The following STK10 variants were observed in gnomAD, a reference collection of about 807,000 sequenced individuals.
STK10 encodes serine/threonine-protein kinase 10.
STK10 carries 78 observed loss-of-function variants against 113.8 expected under a neutral mutation model. That is an observed-to-expected ratio of 0.69 (90% CI 0.57 to 0.83). STK10 has a LOEUF of 0.83. Among genes scored for constraint, STK10 ranks in the 40% least tolerant of loss-of-function variants. The pLI, the probability that STK10 is intolerant of heterozygous loss-of-function variation, is 0.00. For missense variants in STK10, 1,109 were observed against 1,280.1 expected (o/e 0.87, Z 2.04); for synonymous variants, 465 against 494.7 (o/e 0.94, Z 0.80).
chr5:172,050,318 G>A (rs1767598385), intron 18 of STK10, among the ~76,000 whole-genome samples: 1 of 152,174 alleles, frequency 6.6e-6, no homozygotes, highest in African/African-American at 2.4e-5. Context: ...CTGTTCTTGT[G>A]CCTGGTATTG....
In STK10 at chr5:172,188,071, G is replaced by GCTCGGC; in HGVS notation, c.-30_-29insGCCGAG. On this transcript the variant is annotated 5_prime_UTR_variant, in exon 1 of 19. Coordinates refer to ENST00000176763, the MANE Select transcript of STK10 (RefSeq NM_005990.4). This position sits in a 1 kb window ranked among gnomAD's most constrained non-coding sequence, Gnocchi z 5.6. ...CGGGGGCGCGGTGGCGCCGGCTCGGGCTCGGGCTCGGGCTCGGGCTGTGGC... is the reference window on the plus strand; with the variant it reads ...CGGGGGCGCGGTGGCGCCGGCTCGGGCTCGGCCTCGGGCTCGGGCTCGGGCTGTGGC... 6.3e-7 allele frequency: 1 copy of GCTCGGC among 1,595,892 alleles called. No individual in the cohort carries two copies. The highest frequency in any genetic ancestry group is 8.5e-7 in the Non-Finnish European group (1 of 1,171,450).
chr5:172,093,616 G>A lies in STK10; in HGVS notation c.1350C>T (p.Ser450=), dbSNP rs773972454. 5 of 1,614,116 alleles carry A rather than the reference G, an allele frequency of 3.1e-6. No homozygotes were observed. The highest frequency in any genetic ancestry group is 4.2e-6 in the Non-Finnish European group (5 of 1,180,034). Residue 450 remains serine, a synonymous_variant, in exon 9 of 19, where the codon AGC becomes AGT. Transcript: ENST00000176763. This position sits in a 1 kb window ranked among gnomAD's most constrained non-coding sequence, Gnocchi z 4.1. ...TCTCCAGGGCGCTGCTGTTGGGCCG[G>A]CTCTGGCTGGCCTTTTGAGATCTGT... ...AANRSQKASQ[S]RPNSSALETL... is the part of the protein sequence containing the mutation.
At chr5:172,058,971 C>T (rs1014635033) in intron 14 of STK10, among the ~76,000 whole-genome samples, 4 of 152,072 alleles carry the variant, frequency 2.6e-5, no homozygotes, top group Admixed American at 1.3e-4. Flanking sequence ...TGCCTGTAAT[C>T]CTAGCACTTT....
intron 4 of STK10, among the ~76,000 whole-genome samples, chr5:172,114,312 G>GTA (rs1769316411): frequency 7.3e-6 from 1 of 137,468 alleles, no homozygotes; most frequent in Non-Finnish European, 1.5e-5. Context: ...GTGTGTGTGT[G>GTA]TGTATGTGTG....
chr5:172,106,401 C>CAGA (rs1475870342), intron 6 of STK10, among the ~76,000 whole-genome samples: 15 of 53,456 alleles, frequency 2.8e-4, no homozygotes, highest in African/African-American at 7.7e-4. Context: ...GACCCTATCT[C>CAGA]AAAAAAAAAA....
intron 10 of STK10, among the ~76,000 whole-genome samples, chr5:172,089,319 G>A (rs575401653): frequency 6.6e-6 from 1 of 152,290 alleles, no homozygotes; most frequent in East Asian, 1.9e-4. Flanking sequence ...CCCATTAGGT[G>A]TAAGTTCTAC....
intron 12 of STK10, among the ~76,000 whole-genome samples, chr5:172,065,158 T>C (rs1288829145): frequency 6.6e-6 from 1 of 152,228 alleles, no homozygotes; most frequent in Non-Finnish European, 1.5e-5. Flanking sequence ...GAAGTTCTTT[T>C]AGACATTTTT....
intron 10 of STK10, among the ~76,000 whole-genome samples, chr5:172,083,774 G>A (rs1768484999): frequency 6.6e-6 from 1 of 151,982 alleles, no homozygotes; most frequent in Non-Finnish European, 1.5e-5. Flanking sequence ...TGGACATGGT[G>A]GCACACGCCT....
At chr5:172,077,312 T>A (rs186547084) in intron 12 of STK10, among the ~76,000 whole-genome samples, 25 of 152,334 alleles carry the variant, frequency 1.6e-4, no homozygotes, top group Non-Finnish European at 2.9e-4. Context: ...AACTATTTAA[T>A]AGCTAAATTC....
chr5:172,147,808 G>A (rs767019927), intron 2 of STK10, among the ~76,000 whole-genome samples: 2 of 152,192 alleles, frequency 1.3e-5, no homozygotes, highest in African/African-American at 4.8e-5. Context: ...AGGAGGACAG[G>A]AGAAGGTCAA....
Position 172,093,334 on chromosome 5 carries a change from C to A in STK10, c.1554+78G>T. 1 of 1,481,278 alleles carries A rather than the reference C, an allele frequency of 6.8e-7. No homozygotes were observed. The allele number at this position is 1,481,278 out of a possible 1,614,324, so 91.8% of individuals were successfully genotyped here. ...TAAAATGCAAGGAAGCCCCTAAATG[C>A]TTTTGAAACCAAAATGGAGCCACAG... On this transcript the variant is annotated intron_variant, in intron 9 of 18. Transcript: ENST00000176763. This position sits in a 1 kb window ranked among gnomAD's most constrained non-coding sequence, Gnocchi z 4.1.
intron 10 of STK10, among the ~76,000 whole-genome samples, chr5:172,085,688 C>CAAAA (rs74437272): frequency 9.2e-6 from 1 of 108,166 alleles, no homozygotes. Context: ...GACTCCATTT[C>CAAAA]AAAAAAAAAA....
At chr5:172,089,512 G>A (rs1426568503) in intron 10 of STK10, among the ~76,000 whole-genome samples, 1 of 152,070 alleles carries the variant, frequency 6.6e-6, no homozygotes, top group Non-Finnish European at 1.5e-5. Flanking sequence ...ATGACTGGAT[G>A]GATGATTGGG....
chr5:172,087,592 C>A (rs1768596973), intron 10 of STK10, among the ~76,000 whole-genome samples: 1 of 148,434 alleles, frequency 6.7e-6, no homozygotes, highest in African/African-American at 2.5e-5. Context: ...TCATTTTTTA[C>A]AATTTATTTT....
At chr5:172,066,578 G>T (rs72841763) in intron 12 of STK10, among the ~76,000 whole-genome samples, 53,174 of 151,994 alleles carry the variant, frequency 0.35, 9,461 homozygotes, top group Admixed American at 0.39. Flanking sequence ...CTTGAGGTCA[G>T]GAGTTCAAGA....
At chr5:172,173,672 G>A (rs1770702169) in intron 1 of STK10, among the ~76,000 whole-genome samples, 1 of 152,254 alleles carries the variant, frequency 6.6e-6, no homozygotes, top group Non-Finnish European at 1.5e-5. Flanking sequence ...GCTGATCCCA[G>A]AACGCTTTAC....
chr5:172,122,255 G>A (rs920565977), intron 3 of STK10, among the ~76,000 whole-genome samples: 16 of 152,048 alleles, frequency 1.1e-4, no homozygotes, highest in African/African-American at 3.9e-4. Flanking sequence ...TATAAATTTT[G>A]ATAAACATAT....
At chr5:172,099,702 T>G (rs1935088739) in intron 7 of STK10, among the ~76,000 whole-genome samples, 1 of 151,372 alleles carries the variant, frequency 6.6e-6, no homozygotes, top group South Asian at 2.1e-4. Context: ...TCCCAAAGGT[T>G]CCTAAGCTCC....
At chr5:172,128,225 A>G (rs1475105381) in intron 2 of STK10, among the ~76,000 whole-genome samples, 2 of 140,922 alleles carry the variant, frequency 1.4e-5, no homozygotes, top group African/African-American at 2.9e-5. Flanking sequence ...CCGTCTCAAA[A>G]AAAAAAAAAA....
Sources: gnomAD v4.1 joint callset for allele counts (sites outside exome capture counted in the v4.1 genomes callset) on GRCh38, gnomAD v4.1.1 for gene constraint, Gnocchi (gnomAD v3.1) non-coding constraint, MANE v1.5 for transcripts, NCBI Gene and HGNC (gene_info 2026-07-23, HGNC 2026-07-21) for gene names.